The following LOC128706666 variants were observed in gnomAD, a reference collection of about 807,000 sequenced individuals.
chr20:10,419,767 T>C, the LOC128706666 span, among the ~76,000 whole-genome samples: 1 of 152,196 alleles, frequency 6.6e-6, no homozygotes, highest in African/African-American at 2.4e-5. Context: ...ATGACTCACA[T>C]CCTGCGTGGA....
the LOC128706666 span, among the ~76,000 whole-genome samples, chr20:10,432,146 A>T: frequency 6.6e-6 from 1 of 152,202 alleles, no homozygotes; most frequent in East Asian, 1.9e-4. Context: ...CTAACGACAG[A>T]TCAATCAAGG....
chr20:10,423,703 G>C, the LOC128706666 span, among the ~76,000 whole-genome samples: 1 of 152,136 alleles, frequency 6.6e-6, no homozygotes, highest in African/African-American at 2.4e-5. Context: ...TAAAAGAAAT[G>C]CTCAATTTTA....
the LOC128706666 span, among the ~76,000 whole-genome samples, chr20:10,427,968 A>T: frequency 6.6e-6 from 1 of 152,248 alleles, no homozygotes; most frequent in Non-Finnish European, 1.5e-5. Flanking sequence ...CAGAAGGCCG[A>T]AACAGGTATG....
At chr20:10,429,584 T>C in the LOC128706666 span, among the ~76,000 whole-genome samples, 1 of 152,068 alleles carries the variant, frequency 6.6e-6, no homozygotes, top group Non-Finnish European at 1.5e-5. Context: ...CTGGATTTCC[T>C]GTTTCGTTAA....
chr20:10,419,117 G>C, the LOC128706666 span, among the ~76,000 whole-genome samples: 2 of 152,056 alleles, frequency 1.3e-5, no homozygotes, highest in Non-Finnish European at 2.9e-5. Context: ...TCAGACCAAG[G>C]CTTATAAATA....
the LOC128706666 span, among the ~76,000 whole-genome samples, chr20:10,431,096 GGGAAGTGCTCAA>G: frequency 6.6e-6 from 1 of 152,118 alleles, no homozygotes; most frequent in Non-Finnish European, 1.5e-5. Flanking sequence ...CCTAGCATGT[GGGAAGTGCTCAA>G]TACACGGCAG....
At chr20:10,432,269 A>G in the LOC128706666 span, among the ~76,000 whole-genome samples, 8 of 152,170 alleles carry the variant, frequency 5.3e-5, no homozygotes, top group Non-Finnish European at 4.4e-5. Flanking sequence ...AACTTTTTCT[A>G]TTGCCCAATC....
At chr20:10,425,318 T>C in the LOC128706666 span, among the ~76,000 whole-genome samples, 8 of 152,210 alleles carry the variant, frequency 5.3e-5, no homozygotes, top group East Asian at 9.6e-4. Flanking sequence ...CAATCTGTGA[T>C]TGAAAGAAAT....
chr20:10,433,381 C>T, the LOC128706666 span, among the ~76,000 whole-genome samples: 1 of 152,210 alleles, frequency 6.6e-6, no homozygotes. Context: ...ATTGTTTCTC[C>T]CCCATCACTA....
At chr20:10,422,485 G>A in the LOC128706666 span, among the ~76,000 whole-genome samples, 1 of 152,104 alleles carries the variant, frequency 6.6e-6, no homozygotes, top group Non-Finnish European at 1.5e-5. Context: ...ACTGGGGGAG[G>A]AATTTAGAGT....
At chr20:10,414,821 G>A in the LOC128706666 span, among the ~76,000 whole-genome samples, 2 of 152,106 alleles carry the variant, frequency 1.3e-5, no homozygotes, top group African/African-American at 4.8e-5. Context: ...AACAAACCAT[G>A]TTTTAAACAC....
the LOC128706666 span, among the ~76,000 whole-genome samples, chr20:10,424,526 G>A: frequency 6.6e-6 from 1 of 151,810 alleles, no homozygotes; most frequent in Non-Finnish European, 1.5e-5. Context: ...CTCTTCTCAG[G>A]GCAAGACACA....
the LOC128706666 span, among the ~76,000 whole-genome samples, chr20:10,430,548 G>A: frequency 5.3e-5 from 8 of 152,284 alleles, no homozygotes; most frequent in East Asian, 1.5e-3. Context: ...CCCAAACTAA[G>A]GGAAGTGGTC....
chr20:10,433,820 TG>T, the LOC128706666 span, among the ~76,000 whole-genome samples: 1 of 152,018 alleles, frequency 6.6e-6, no homozygotes, highest in African/African-American at 2.4e-5. Context: ...GCAGCGCAGG[TG>T]GGAGCGTGGT....
At chr20:10,432,127 A>G in the LOC128706666 span, among the ~76,000 whole-genome samples, 1 of 152,208 alleles carries the variant, frequency 6.6e-6, no homozygotes, top group Non-Finnish European at 1.5e-5. Flanking sequence ...TTTCCAGGGA[A>G]ACAGACATCT....
the LOC128706666 span, among the ~76,000 whole-genome samples, chr20:10,421,114 T>C: frequency 6.6e-6 from 1 of 152,212 alleles, no homozygotes; most frequent in Admixed American, 6.5e-5. Flanking sequence ...AAGAGCCTTT[T>C]TTTAAATTAT....
chr20:10,428,231 T>C, the LOC128706666 span, among the ~76,000 whole-genome samples: 1 of 152,162 alleles, frequency 6.6e-6, no homozygotes, highest in African/African-American at 2.4e-5. Flanking sequence ...CCTTTCACTG[T>C]TTTTACACCC....
chr20:10,419,736 A>C, the LOC128706666 span, among the ~76,000 whole-genome samples: 1 of 152,234 alleles, frequency 6.6e-6, no homozygotes, highest in Non-Finnish European at 1.5e-5. Context: ...GTGACTAACG[A>C]GCAGGTAGAC....
the LOC128706666 span, among the ~76,000 whole-genome samples, chr20:10,425,536 G>T: frequency 3.3e-5 from 5 of 152,220 alleles, no homozygotes; most frequent in African/African-American, 1.2e-4. Context: ...GAAGCAGACA[G>T]ACTGGGAGAT....
Sources: allele counts gnomAD v4.1 joint callset (sites outside exome capture counted in the v4.1 genomes callset), GRCh38; gene constraint gnomAD v4.1.1; transcripts MANE v1.5.